ATPAF1: variants seen among roughly 807,000 people sequenced by gnomAD.
The protein encoded by ATPAF1 is ATP synthase mitochondrial F1 complex assembly factor 1.
In ATPAF1, 26 loss-of-function variants were observed where a neutral mutation model predicts 43.9. The ratio of observed to expected loss-of-function variants is 0.59; its 90% CI spans 0.43 to 0.82. The LOEUF (loss-of-function observed/expected upper bound fraction) is 0.82, where lower values mean the gene tolerates loss of function less well. Ranked by LOEUF, ATPAF1 falls within the 40% of genes least tolerant of loss-of-function variation. ATPAF1 has a pLI of 0.00. For missense variants in ATPAF1, 366 were observed against 435.0 expected (o/e 0.84, Z 1.41); for synonymous variants, 157 against 168.0 (o/e 0.93, Z 0.50).
At chr1:46,665,890 C>T in intron 1 of ATPAF1, 1 of 1,392,674 alleles carries the variant, frequency 7.2e-7, no homozygotes. Context: ...AAAGAAGCTG[C>T]TCTTGGAGAT....
intron 6 of ATPAF1, among the ~76,000 whole-genome samples, chr1:46,647,222 C>T (rs1676059923): frequency 6.6e-6 from 1 of 152,130 alleles, no homozygotes. Flanking sequence ...GTATACTTTC[C>T]CCAAGATATA....
chr1:46,633,031 C>T (rs1480171773), downstream of ATPAF1: 2 of 152,682 alleles, frequency 1.3e-5, no homozygotes, highest in Non-Finnish European at 2.9e-5. Context: ...GGCAGTGGTT[C>T]TCAAAGTGTG....
intron 6 of ATPAF1, among the ~76,000 whole-genome samples, chr1:46,647,238 T>C (rs59881815): frequency 0.25 from 38,077 of 152,084 alleles, 5,025 homozygotes; most frequent in East Asian, 0.35. Context: ...ATATAAGACA[T>C]ATTGGGTCTG....
chr1:46,661,132 G>A (rs933258674), intron 2 of ATPAF1, among the ~76,000 whole-genome samples: 1 of 151,740 alleles, frequency 6.6e-6, no homozygotes, highest in Non-Finnish European at 1.5e-5. Context: ...GAGTGCAGTG[G>A]CACAATCTCC....
In ATPAF1 at chr1:46,653,771, G is replaced by A; in HGVS notation, c.540+46C>T. The A allele has an allele frequency of 6.3e-7, 1 of 1,579,822 alleles. No homozygotes were observed. Among genetic ancestry groups the A allele is most frequent in the Non-Finnish European group, 8.7e-7 (1 of 1,155,250 alleles). ...AACTGCCTGCTAAGGTTAGAGAACT[G>A]ACTTTCATGTTGTAACACTTTCACT... On this transcript the variant is annotated intron_variant, in intron 5 of 8. Coordinates refer to ENST00000574428, the Ensembl canonical transcript of ATPAF1. This position sits in a 1 kb window ranked among gnomAD's most constrained non-coding sequence, Gnocchi z 4.8.
chr1:46,641,033 T>C (rs1675940061), intron 8 of ATPAF1, among the ~76,000 whole-genome samples: 1 of 152,152 alleles, frequency 6.6e-6, no homozygotes, highest in Non-Finnish European at 1.5e-5. Context: ...CTTTCTCCTG[T>C]ATCATCAACA....
chr1:46,664,572 C>G (rs1569640956), intron 2 of ATPAF1: 4 of 152,350 alleles, frequency 2.6e-5, no homozygotes, highest in Non-Finnish European at 4.4e-5. Context: ...ACCTTGCTGT[C>G]TCCTGAAACC....
At chr1:46,663,828 A>G in intron 2 of ATPAF1, 1 of 1,204,812 alleles carries the variant, frequency 8.3e-7, no homozygotes, top group Non-Finnish European at 1.1e-6. Context: ...TTCTACTGTA[A>G]CTACCTTAAT....
intron 1 of ATPAF1, 114 bp downstream of exon 1, chr1:46,667,943 C>T: frequency 1.2e-6 from 1 of 843,664 alleles, no homozygotes. Context: ...GCTACATCAT[C>T]TGAAGAGCTG....
chr1:46,646,264 A>G (rs1314420158), intron 6 of ATPAF1, among the ~76,000 whole-genome samples: 6 of 152,214 alleles, frequency 3.9e-5, no homozygotes, highest in African/African-American at 1.4e-4. Flanking sequence ...ATCCATGTTG[A>G]TATCTATAAC....
At position 46,643,310 on chromosome 1, in the gene ATPAF1, T is replaced by C. The variant is rs747654069; in HGVS notation, c.685-9A>G. On this transcript the variant is annotated splice_polypyrimidine_tract_variant and intron_variant, in intron 7 of 8. Coordinates refer to ENST00000574428, the Ensembl canonical transcript of ATPAF1. Reference sequence around the variant, plus strand: ...GCAGCTTCCCCTCGGGTCTGCAAGGTGGAACACTTATCAAGGCTCAATAAG... The same window carrying C: ...GCAGCTTCCCCTCGGGTCTGCAAGGCGGAACACTTATCAAGGCTCAATAAG... 1 of 1,599,052 alleles carries C rather than the reference T, an allele frequency of 6.3e-7. No homozygotes were observed. Among genetic ancestry groups the C allele is most frequent in the Non-Finnish European group, 8.6e-7 (1 of 1,168,230 alleles).
chr1:46,658,074 G>T (rs2148824124), intron 4 of ATPAF1, 53 bp downstream of exon 4: 1 of 1,527,672 alleles, frequency 6.5e-7, no homozygotes, highest in South Asian at 1.2e-5. Flanking sequence ...TTCAGATTTG[G>T]TTCACAGAAT....
At chr1:46,648,047 G>T (rs1276622038) in intron 6 of ATPAF1, among the ~76,000 whole-genome samples, 1 of 152,148 alleles carries the variant, frequency 6.6e-6, no homozygotes, top group Non-Finnish European at 1.5e-5. Flanking sequence ...GACTAATGTT[G>T]CTATGAATGT....
intron 6 of ATPAF1, 129 bp downstream of exon 6, chr1:46,652,452 G>T: frequency 1.1e-6 from 1 of 872,602 alleles, no homozygotes; most frequent in Non-Finnish European, 1.7e-6. Context: ...CAATCAACAT[G>T]TGAGCATCTT....
chr1:46,650,988 CTTTT>C (rs1353962000), intron 6 of ATPAF1, among the ~76,000 whole-genome samples: 2 of 151,814 alleles, frequency 1.3e-5, no homozygotes, highest in African/African-American at 4.8e-5. Flanking sequence ...TGTATATTTT[CTTTT>C]TATTTATTTA....
At position 46,643,206 on chromosome 1, in the gene ATPAF1, A is replaced by G. The variant is rs551298709; in HGVS notation, c.780T>C (p.Asp260=). The stretch of plus-strand genomic sequence containing the variant: ...AGTTAATTCTTACCAGAAATGTGGA[A>G]TCCATTTCTGCAGTCATCAGCACTA... Residue 260 remains aspartate (D), a synonymous_variant, in exon 8 of 9, where the codon GAT becomes GAC. Transcript: ENST00000574428. 2.0e-5 allele frequency: 32 copies of G among 1,610,268 alleles called. No individual in the cohort carries two copies. The South Asian group carries it at 3.5e-4, about 18-fold the overall frequency.
At chr1:46,648,563 G>C (rs1218483216) in intron 6 of ATPAF1, among the ~76,000 whole-genome samples, 1 of 152,070 alleles carries the variant, frequency 6.6e-6, no homozygotes, top group Non-Finnish European at 1.5e-5. Context: ...TAGAGACAAG[G>C]TCTCACTATA....
intron 2 of ATPAF1, chr1:46,663,979 C>A: frequency 9.3e-7 from 1 of 1,071,872 alleles, no homozygotes. Flanking sequence ...GGATTGTGAT[C>A]AGAGTTTTTT....
At chr1:46,657,705 C>A (rs965056151) in intron 4 of ATPAF1, among the ~76,000 whole-genome samples, 2 of 152,042 alleles carry the variant, frequency 1.3e-5, no homozygotes, top group Non-Finnish European at 2.9e-5. Context: ...GACTTAAAAC[C>A]GGCAGCTTGG....
Sources: gnomAD v4.1 joint callset for allele counts (sites outside exome capture counted in the v4.1 genomes callset) on GRCh38, gnomAD v4.1.1 for gene constraint, Gnocchi (gnomAD v3.1) non-coding constraint, MANE v1.5 for transcripts, NCBI Gene and HGNC (gene_info 2026-07-23, HGNC 2026-07-21) for gene names.